Variants in ACYP2 observed in about 807,000 individuals in gnomAD.
ACYP2 encodes acylphosphatase-2.
A neutral mutation model predicts 11.2 loss-of-function variants in ACYP2; 12 were observed. The observed-to-expected ratio is 1.08, with a 90% CI of 0.69 to 1.74. The LOEUF is 1.74. Ranked by LOEUF, ACYP2 falls within the 40% of genes most tolerant of loss-of-function variation. The pLI is 0.00. For missense variants in ACYP2, 134 were observed against 101.9 expected (o/e 1.31, Z -1.35); for synonymous variants, 43 against 32.2 (o/e 1.33, Z -1.13).
At chr2:54,256,480 T>C (rs910522289) in intron 6 of ACYP2, among the ~76,000 whole-genome samples, 3 of 152,220 alleles carry the variant, frequency 2.0e-5, no homozygotes, top group Admixed American at 6.5e-5. Flanking sequence ...TTGTGCAGTA[T>C]CCGAGGCTTC....
intron 2 of ACYP2, among the ~76,000 whole-genome samples, chr2:54,018,629 A>T (rs919054833): frequency 6.6e-6 from 1 of 152,224 alleles, no homozygotes; most frequent in African/African-American, 2.4e-5. Flanking sequence ...TCTGGACAAC[A>T]TAGCGGGACC....
rs1410110511 is a variant in ACYP2 at position 54,255,161 on chromosome 2, G to A, written c.405-49527G>A. On this transcript the variant is annotated intron_variant, in intron 6 of 6. Coordinates refer to ENST00000607452, the MANE Select transcript of ACYP2 (RefSeq NM_001320586.2). ...AAGGACTGGGGTCCATGGCCCCGGC[G>A]CCACATGATTAGAGTGGAAAAAGAC... 21 of 1,614,110 alleles carry A rather than the reference G, an allele frequency of 1.3e-5. No individual in the cohort carries two copies. Among genetic ancestry groups the A allele is most frequent in the African/African-American group, 2.7e-5 (2 of 75,016 alleles).
intron 6 of ACYP2, among the ~76,000 whole-genome samples, chr2:54,283,562 T>A (rs1046016041): frequency 2.0e-5 from 3 of 152,258 alleles, no homozygotes; most frequent in African/African-American, 7.2e-5. Context: ...GAGGTCTAGC[T>A]CTGACTCAAA....
intron 6 of ACYP2, among the ~76,000 whole-genome samples, chr2:54,174,959 G>A (rs982171636): frequency 6.6e-6 from 1 of 152,166 alleles, no homozygotes; most frequent in African/African-American, 2.4e-5. Flanking sequence ...TTTCACATCG[G>A]TGTTCATCAA....
chr2:53,983,165 T>A (rs1042915177), intron 2 of ACYP2, among the ~76,000 whole-genome samples: 1 of 151,946 alleles, frequency 6.6e-6, no homozygotes, highest in Admixed American at 6.6e-5. Context: ...GAAGCAACAT[T>A]TGATGAATGA....
At chr2:53,980,411 T>C (rs11683741) in intron 2 of ACYP2, among the ~76,000 whole-genome samples, 45,611 of 151,384 alleles carry the variant, frequency 0.3, 7,581 homozygotes, top group South Asian at 0.49. Context: ...AAATTTAATT[T>C]ATTATTGAAG....
At chr2:54,181,968 T>C (rs1466525668) in intron 6 of ACYP2, among the ~76,000 whole-genome samples, 2 of 151,380 alleles carry the variant, frequency 1.3e-5, no homozygotes, top group Non-Finnish European at 2.9e-5. Context: ...CAAAACCCTA[T>C]ATACTTATTT....
intron 6 of ACYP2, among the ~76,000 whole-genome samples, chr2:54,260,170 G>C (rs1411477272): frequency 1.3e-5 from 2 of 152,156 alleles, no homozygotes; most frequent in African/African-American, 4.8e-5. Context: ...AGTGTGAGGT[G>C]TATATGCTAG....
chr2:54,277,840 G>A lies in ACYP2; in HGVS notation c.405-26848G>A, dbSNP rs367716644. Among the ~76,000 whole-genome samples, 120 of 151,760 alleles carry A rather than the reference G, an allele frequency of 7.9e-4. 4 individuals are homozygous for A. In the East Asian group the frequency reaches 0.018, roughly 22 times the overall value. ...ACCTTTATGTAATAATATATTACTT[G>A]TCATTTACCATGATATTTTTATCTT... On this transcript the variant is annotated intron_variant, in intron 6 of 6. Coordinates refer to ENST00000607452, the MANE Select transcript of ACYP2 (RefSeq NM_001320586.2).
At chr2:54,292,109 T>G (rs1459798518) in intron 6 of ACYP2, among the ~76,000 whole-genome samples, 2 of 152,126 alleles carry the variant, frequency 1.3e-5, no homozygotes, top group African/African-American at 4.8e-5. Context: ...ACTCCTGAGC[T>G]CAAGCAATCC....
chr2:54,127,184 C>A (rs951761775), intron 4 of ACYP2, among the ~76,000 whole-genome samples: 2 of 138,732 alleles, frequency 1.4e-5, no homozygotes, highest in Non-Finnish European at 3.1e-5. Flanking sequence ...TTTTGAAATT[C>A]TTCTATGATT....
chr2:54,162,361 T>G (rs1682757002), intron 6 of ACYP2, among the ~76,000 whole-genome samples: 1 of 152,182 alleles, frequency 6.6e-6, no homozygotes, highest in Non-Finnish European at 1.5e-5. Context: ...AATGAAACAT[T>G]TTGCTGCTGC....
At chr2:53,990,871 A>C (rs892286651) in intron 2 of ACYP2, among the ~76,000 whole-genome samples, 2 of 151,460 alleles carry the variant, frequency 1.3e-5, no homozygotes, top group Non-Finnish European at 1.5e-5. Flanking sequence ...ATCTCGGCTC[A>C]CTGCCAGCTC....
At chr2:54,069,795 A>T (rs1292571860) in intron 4 of ACYP2, among the ~76,000 whole-genome samples, 1 of 152,250 alleles carries the variant, frequency 6.6e-6, no homozygotes, top group Non-Finnish European at 1.5e-5. Flanking sequence ...TTGGCCACTA[A>T]GTTTTTGAAT....
intron 6 of ACYP2, among the ~76,000 whole-genome samples, chr2:54,219,905 ATTTTTT>A (rs1169547989): frequency 2.6e-5 from 2 of 76,000 alleles, no homozygotes; most frequent in African/African-American, 1.1e-4. Flanking sequence ...ATATATATAT[ATTTTTT>A]TTTTTTTTTT....
chr2:54,072,493 TTCTTTCTC>T (rs1677102197), intron 4 of ACYP2, among the ~76,000 whole-genome samples: 1 of 145,250 alleles, frequency 6.9e-6, no homozygotes, highest in Admixed American at 6.9e-5. Flanking sequence ...TCTTTTTTCT[TTCTTTCTC>T]TCTCTCTCTC....
intron 4 of ACYP2, among the ~76,000 whole-genome samples, chr2:54,083,094 A>C (rs1479202673): frequency 7.7e-6 from 1 of 130,686 alleles, no homozygotes; most frequent in Non-Finnish European, 1.7e-5. Context: ...AGAAAAAAAA[A>C]ATAGTCACTA....
intron 4 of ACYP2, among the ~76,000 whole-genome samples, chr2:54,072,215 T>A (rs944982909): frequency 3.9e-5 from 6 of 152,228 alleles, no homozygotes; most frequent in Admixed American, 3.3e-4. Flanking sequence ...TGTTCATGAA[T>A]TAGAAGACTT....
chr2:53,984,487 T>G (rs4671742), intron 2 of ACYP2, among the ~76,000 whole-genome samples: 66,745 of 151,036 alleles, frequency 0.44, 15,022 homozygotes, highest in South Asian at 0.51. Flanking sequence ...TGAGGCAGGA[T>G]AATCTCTTGA....
Sources: allele counts gnomAD v4.1 joint callset (sites outside exome capture counted in the v4.1 genomes callset), GRCh38; gene constraint gnomAD v4.1.1; transcripts MANE v1.5; gene names NCBI Gene and HGNC (gene_info 2026-07-23, HGNC 2026-07-21).